LDB2: variants seen among roughly 807,000 people sequenced by gnomAD.
The protein encoded by LDB2 is LIM domain-binding protein 2.
Under a neutral mutation model 44.3 loss-of-function variants are expected in LDB2, and 12 were observed. That is an observed-to-expected ratio of 0.27 (90% CI 0.17 to 0.44). The LOEUF is 0.44. Ranked by LOEUF, LDB2 falls within the 20% of genes least tolerant of loss-of-function variation. The pLI, the probability that LDB2 is intolerant of heterozygous loss-of-function variation, is 1.00. For synonymous variants in LDB2, 164 were observed against 174.8 expected (o/e 0.94, Z 0.49); for missense variants, 344 against 473.5 (o/e 0.73, Z 2.54).
intron 1 of LDB2, among the ~76,000 whole-genome samples, chr4:16,840,451 C>G (rs182952572): frequency 6.6e-6 from 1 of 152,202 alleles, no homozygotes; most frequent in African/African-American, 2.4e-5. Flanking sequence ...ATTCAAGAAG[C>G]CATGATAGAG....
rs746509705 is a variant in LDB2, at chr4:16,898,392, T to C, written c.94A>G (p.Ile32Val). The change falls in exon 1 of 8, where the codon ATC becomes GTC. Residue 32 changes from isoleucine to valine, a missense_variant. Physicochemically the swap from Ile to Val is conservative, Grantham distance 29 (BLOSUM62 3). Transcript: ENST00000304523. The part of the protein sequence containing the change: ...TPYMVQPEYR[I>V]YEMNKRLQSR... ...TGCAGTCTCTTGTTCATCTCATAGA[T>C]TCGGTACTCTGGCTGTACCATGTAT... 3.5e-5 allele frequency: 56 copies of C among 1,613,670 alleles called. No homozygotes were observed. The highest frequency in any genetic ancestry group is 4.6e-5 in the Non-Finnish European group (54 of 1,179,844).
intron 2 of LDB2, among the ~76,000 whole-genome samples, chr4:16,703,612 T>A (rs955273490): frequency 6.6e-6 from 1 of 152,242 alleles, no homozygotes; most frequent in African/African-American, 2.4e-5. Flanking sequence ...CATATGATAA[T>A]GCTTAAAAGC....
intron 2 of LDB2, among the ~76,000 whole-genome samples, chr4:16,668,718 C>G (rs1341830232): frequency 2.0e-5 from 3 of 152,164 alleles, no homozygotes; most frequent in Non-Finnish European, 4.4e-5. Flanking sequence ...TCAAAACAAC[C>G]TCAGCAGAGA....
intron 2 of LDB2, among the ~76,000 whole-genome samples, chr4:16,696,023 CA>C (rs1183100210): frequency 6.6e-6 from 1 of 152,130 alleles, no homozygotes; most frequent in East Asian, 1.9e-4. Flanking sequence ...GCTGAAAATG[CA>C]GAGCAATGGG....
intron 1 of LDB2, among the ~76,000 whole-genome samples, chr4:16,817,838 G>T (rs770519375): frequency 1.1e-4 from 16 of 152,110 alleles, no homozygotes; most frequent in Admixed American, 2.6e-4. Flanking sequence ...TTTGTATCAT[G>T]CTGCCTCTAG....
intron 1 of LDB2, among the ~76,000 whole-genome samples, chr4:16,772,391 G>T (rs555794743): frequency 1.7e-4 from 26 of 152,136 alleles, no homozygotes; most frequent in Non-Finnish European, 3.1e-4. Flanking sequence ...TACAAAAAAT[G>T]TGTTAGACAA....
At chr4:16,527,393 G>A (rs1013395024) in intron 5 of LDB2, among the ~76,000 whole-genome samples, 5 of 151,882 alleles carry the variant, frequency 3.3e-5, no homozygotes, top group Admixed American at 6.6e-5. Flanking sequence ...CCTTACTCCC[G>A]GAAGAATGGC....
At chr4:16,665,405 A>G (rs894451038) in intron 2 of LDB2, among the ~76,000 whole-genome samples, 10 of 151,818 alleles carry the variant, frequency 6.6e-5, no homozygotes, top group Non-Finnish European at 1.5e-4. Flanking sequence ...AATTGGGACT[A>G]CAGGTGTGTC....
intron 2 of LDB2, among the ~76,000 whole-genome samples, chr4:16,739,593 T>A (rs1325919931): frequency 2.4e-5 from 2 of 82,726 alleles, no homozygotes; most frequent in African/African-American, 9.9e-5. Context: ...AAAAAAAATA[T>A]ATATATATAT....
intron 2 of LDB2, among the ~76,000 whole-genome samples, chr4:16,638,349 C>T (rs954304099): frequency 1.3e-5 from 2 of 152,130 alleles, no homozygotes; most frequent in African/African-American, 2.4e-5. Flanking sequence ...TACAAATGAG[C>T]GTTCACCGTT....
chr4:16,559,380 C>T (rs1202770586), intron 5 of LDB2, among the ~76,000 whole-genome samples: 1 of 151,916 alleles, frequency 6.6e-6, no homozygotes, highest in Non-Finnish European at 1.5e-5. Context: ...ATCTACCAAG[C>T]CAATGGAAAA....
chr4:16,830,241 T>G (rs944388061), intron 1 of LDB2, among the ~76,000 whole-genome samples: 1 of 151,970 alleles, frequency 6.6e-6, no homozygotes, highest in Non-Finnish European at 1.5e-5. Flanking sequence ...TGGTGGGAGG[T>G]GATTGGATCA....
At chr4:16,895,994 G>A (rs757303106) in intron 1 of LDB2, among the ~76,000 whole-genome samples, 8 of 151,730 alleles carry the variant, frequency 5.3e-5, no homozygotes, top group African/African-American at 9.7e-5. Context: ...ATGGCATTGC[G>A]TTCATGACAG....
At chr4:16,732,178 T>C (rs751782346) in intron 2 of LDB2, among the ~76,000 whole-genome samples, 2 of 152,202 alleles carry the variant, frequency 1.3e-5, no homozygotes, top group African/African-American at 2.4e-5. Flanking sequence ...CCCGGCTTTA[T>C]GATTTTCACA....
At chr4:16,627,630 A>G (rs528633426) in intron 2 of LDB2, among the ~76,000 whole-genome samples, 2 of 152,352 alleles carry the variant, frequency 1.3e-5, no homozygotes, top group Admixed American at 6.5e-5. Flanking sequence ...ACTAAGTGAC[A>G]AAGAGTCAGG....
At chr4:16,535,812 T>C (rs1273311762) in intron 5 of LDB2, among the ~76,000 whole-genome samples, 1 of 152,198 alleles carries the variant, frequency 6.6e-6, no homozygotes, top group Non-Finnish European at 1.5e-5. Context: ...TCACCATATG[T>C]AAACAAAGAT....
At chr4:16,581,094 C>T (rs1714215883) in intron 5 of LDB2, among the ~76,000 whole-genome samples, 1 of 152,106 alleles carries the variant, frequency 6.6e-6, no homozygotes, top group East Asian at 1.9e-4. Flanking sequence ...TGTGTTTTGA[C>T]CCATGGAGTC....
At position 16,503,657 on chromosome 4, in the gene LDB2, G is replaced by C. The variant is rs541910335; in HGVS notation, c.892-784C>G. Reference sequence around the variant, plus strand: ...ACACAGGCAACCCTGCCACCCATCTGGGCAGTAAAGAGAACCGGTCTGTCC... The same window carrying C: ...ACACAGGCAACCCTGCCACCCATCTCGGCAGTAAAGAGAACCGGTCTGTCC... On this transcript the variant is annotated intron_variant, in intron 7 of 7. Transcript: ENST00000304523. 8.5e-5 allele frequency among the ~76,000 whole-genome samples: 13 copies of C among 152,250 alleles called. 1 individual carries two copies. In the South Asian group the frequency reaches 2.7e-3, roughly 32 times the overall value.
At chr4:16,774,772 T>C (rs1423888249) in intron 1 of LDB2, among the ~76,000 whole-genome samples, 1 of 152,134 alleles carries the variant, frequency 6.6e-6, no homozygotes, top group African/African-American at 2.4e-5. Context: ...TGCATGTGTG[T>C]GTGTGAGCAA....
Sources: gnomAD v4.1 joint callset for allele counts (sites outside exome capture counted in the v4.1 genomes callset) on GRCh38, gnomAD v4.1.1 for gene constraint, MANE v1.5 for transcripts, NCBI Gene and HGNC (gene_info 2026-07-23, HGNC 2026-07-21) for gene names.